The following MPP7 variants were observed in gnomAD, a reference collection of about 807,000 sequenced individuals.
MPP7 encodes the protein MAGUK p55 scaffold protein 7.
Under a neutral mutation model 76.5 loss-of-function variants are expected in MPP7, and 60 were observed. The observed-to-expected ratio is 0.78, with a 90% CI of 0.64 to 0.97. The LOEUF (loss-of-function observed/expected upper bound fraction) is 0.97. Among genes scored for constraint, MPP7 ranks in the 50% least tolerant of loss-of-function variants. MPP7 has a pLI of 0.00. For synonymous variants in MPP7, 237 were observed against 244.5 expected (o/e 0.97, Z 0.29); for missense variants, 641 against 694.0 (o/e 0.92, Z 0.86).
At chr10:28,331,611 G>A (rs899443990) in intron 1 of MPP7, among the ~76,000 whole-genome samples, 1 of 152,118 alleles carries the variant, frequency 6.6e-6, no homozygotes, top group Admixed American at 6.6e-5. Context: ...GAGTCTCGCT[G>A]TCACCCAGGC....
intron 3 of MPP7, among the ~76,000 whole-genome samples, chr10:28,184,593 A>C (rs1055012881): frequency 4.7e-5 from 7 of 149,498 alleles, no homozygotes; most frequent in Non-Finnish European, 7.4e-5. Context: ...CTGTAATCCC[A>C]GCTACTCGGT....
At chr10:28,271,611 G>A (rs1000636206) in intron 1 of MPP7, among the ~76,000 whole-genome samples, 1 of 152,190 alleles carries the variant, frequency 6.6e-6, no homozygotes, top group Non-Finnish European at 1.5e-5. Context: ...TGTCTGGAGA[G>A]TACCTATTTG....
rs1834728580 is a variant in MPP7, at chr10:28,118,518, A to AG, written c.952+1132dup. The AG allele has an allele frequency of 3.0e-6, 3 of 985,222 alleles. No homozygotes were observed. In the African/African-American group the frequency reaches 5.2e-5, roughly 17 times the overall value. The allele number at this position is 985,222 out of a possible 1,614,324, so 61.0% of individuals were successfully genotyped here. A position where few individuals can be genotyped will look rare whatever the true frequency, so the allele number is the denominator to read the frequency against. On this transcript the variant is annotated intron_variant, in intron 11 of 16. Coordinates refer to ENST00000683449, the MANE Select transcript of MPP7 (RefSeq NM_001318170.2). Reference sequence around the variant, plus strand: ...TTAAAAATCCCTTTGAGAGCCAGTCAGGCAAGGAGCCTCAAAGCTCCTTTC... The same window carrying AG: ...TTAAAAATCCCTTTGAGAGCCAGTCAGGGCAAGGAGCCTCAAAGCTCCTTTC...
At chr10:28,262,496 A>G (rs927913143) in intron 1 of MPP7, among the ~76,000 whole-genome samples, 6 of 151,890 alleles carry the variant, frequency 4.0e-5, no homozygotes, top group African/African-American at 1.5e-4. Context: ...GTCCTTTTAA[A>G]AAGTTGTCAC....
intron 2 of MPP7, among the ~76,000 whole-genome samples, chr10:28,225,525 C>T (rs984068289): frequency 6.6e-6 from 1 of 152,114 alleles, no homozygotes; most frequent in Non-Finnish European, 1.5e-5. Flanking sequence ...AAACATTTCT[C>T]TAAAGAAGAC....
chr10:28,179,874 C>G (rs1837003318), intron 3 of MPP7, among the ~76,000 whole-genome samples: 1 of 152,030 alleles, frequency 6.6e-6, no homozygotes, highest in African/African-American at 2.4e-5. Context: ...CCAATTTAAA[C>G]AAATGAAATT....
chr10:28,314,212 G>A (rs549322233), intron 2 of MPP7, among the ~76,000 whole-genome samples: 3 of 152,330 alleles, frequency 2.0e-5, no homozygotes, highest in African/African-American at 7.2e-5. Flanking sequence ...GTGCCAGGTA[G>A]TGTGGTGGGT....
intron 2 of MPP7, among the ~76,000 whole-genome samples, chr10:28,222,426 G>A (rs2134070000): frequency 6.6e-6 from 1 of 152,208 alleles, no homozygotes. Context: ...TGAGGCTGCA[G>A]TGAGCCCTGA....
rs59151395 is a variant in MPP7 at position 28,258,382 on chromosome 10, T to TTATATA, written c.-131-19653_-131-19648dup. Among the ~76,000 whole-genome samples the TTATATA allele has an allele frequency of 8.3e-3, 1,175 of 141,214 alleles. 7 individuals carry two copies. Among genetic ancestry groups the TTATATA allele is most frequent in the Non-Finnish European group, 0.013 (817 of 64,818 alleles). 92.6% of individuals were successfully genotyped at this position (141,214 alleles called of 152,430 possible). On this transcript the variant is annotated intron_variant, in intron 1 of 16. Coordinates refer to ENST00000683449, the MANE Select transcript of MPP7 (RefSeq NM_001318170.2). ...TAAGATATAAATAACATATTAAATA[T>TTATATA]TATATATATATATATATATATATAA...
intron 6 of MPP7, among the ~76,000 whole-genome samples, chr10:28,129,577 G>T (rs569669711): frequency 4.1e-5 from 6 of 147,534 alleles, no homozygotes; most frequent in Non-Finnish European, 8.9e-5. Flanking sequence ...AACAGAGTGA[G>T]ACTCCGTCTC....
At chr10:28,261,268 T>C (rs537412511) in intron 1 of MPP7, among the ~76,000 whole-genome samples, 1 of 152,302 alleles carries the variant, frequency 6.6e-6, no homozygotes, top group African/African-American at 2.4e-5. Context: ...GAACCATGAC[T>C]TAACGAAAGA....
chr10:28,144,433 A>C (rs1835636613), intron 5 of MPP7, among the ~76,000 whole-genome samples: 1 of 152,138 alleles, frequency 6.6e-6, no homozygotes, highest in African/African-American at 2.4e-5. Context: ...TGCAGGCATG[A>C]AGCCGACTAT....
At chr10:28,290,776 A>G (rs1208313538) in intron 1 of MPP7, among the ~76,000 whole-genome samples, 14 of 152,130 alleles carry the variant, frequency 9.2e-5, no homozygotes, top group East Asian at 3.9e-4. Flanking sequence ...CCCGGCCCCA[A>G]TCAGTTTTCT....
intron 1 of MPP7, among the ~76,000 whole-genome samples, chr10:28,278,788 C>T (rs1288798366): frequency 6.8e-6 from 1 of 148,098 alleles, no homozygotes; most frequent in African/African-American, 2.5e-5. Context: ...ATATTTCAAA[C>T]GTTATCCGTA....
Position 28,301,008 on chromosome 10 carries a change from A to G in MPP7, c.-132+1853T>C, listed in dbSNP as rs975594207. On this transcript the variant is annotated intron_variant, in intron 1 of 16. Coordinates refer to ENST00000683449, the MANE Select transcript of MPP7 (RefSeq NM_001318170.2). ...CATAAGACATTTTCATGTTCCTGAT[A>G]ACTAGTAAATTTAACAAAACCTAAC... Among the ~76,000 whole-genome samples, 4 of 152,076 alleles carry G rather than the reference A, an allele frequency of 2.6e-5. No homozygotes were observed. The East Asian group carries it at 7.7e-4, about 29-fold the overall frequency.
intron 2 of MPP7, among the ~76,000 whole-genome samples, chr10:28,231,005 A>C (rs1304518645): frequency 1.3e-5 from 2 of 152,178 alleles, no homozygotes; most frequent in Admixed American, 6.5e-5. Flanking sequence ...ACACATATAG[A>C]AAACTACAGT....
intron 2 of MPP7, among the ~76,000 whole-genome samples, chr10:28,316,906 A>G (rs1834325059): frequency 6.6e-6 from 1 of 152,164 alleles, no homozygotes; most frequent in Non-Finnish European, 1.5e-5. Flanking sequence ...AGAAAAGCTC[A>G]TTACTTCAGC....
intron 1 of MPP7, among the ~76,000 whole-genome samples, chr10:28,282,990 G>A (rs1840714971): frequency 6.6e-6 from 1 of 152,000 alleles, no homozygotes; most frequent in Admixed American, 6.6e-5. Flanking sequence ...ACAGTGGAAA[G>A]TAACTTTTAA....
rs772316583 is a variant in MPP7, at chr10:28,124,078, C to T, written c.568G>A (p.Gly190Arg). 2.5e-6 allele frequency: 4 copies of T among 1,612,704 alleles called. No homozygotes were observed. The highest frequency in any genetic ancestry group is 2.2e-5 in the South Asian group (2 of 91,056). Residue 190 changes from glycine to arginine, a missense_variant, in exon 8 of 17, where the codon GGG becomes AGG. Coordinates refer to ENST00000683449, the MANE Select transcript of MPP7 (RefSeq NM_001318170.2). ...HVGDELREVN[G>R]IPVEDKRPEE... ...GGCCTTTTATCCTCCACTGGTATCC[C>T]GTTGACTTCCCTAAGTTCATCACCA...
Sources: gnomAD v4.1 joint callset for allele counts (sites outside exome capture counted in the v4.1 genomes callset) on GRCh38, gnomAD v4.1.1 for gene constraint, MANE v1.5 for transcripts, NCBI Gene and HGNC (gene_info 2026-07-23, HGNC 2026-07-21) for gene names.